EPCAM: variants seen among roughly 807,000 people sequenced by gnomAD.
The protein encoded by EPCAM is adenocarcinoma-associated antigen.
A neutral mutation model predicts 40.0 loss-of-function variants in EPCAM; 39 were observed. That is an observed-to-expected ratio of 0.98 (90% CI 0.76 to 1.27). EPCAM has a LOEUF of 1.27. Ranked by LOEUF, EPCAM falls within the 50% of genes most tolerant of loss-of-function variation. EPCAM has a pLI of 0.00. For synonymous variants in EPCAM, 168 were observed against 132.3 expected, an observed-to-expected ratio of 1.27 and a Z score of -1.85; for missense variants, 503 against 381.2, an observed-to-expected ratio of 1.32 and a Z score of -2.66.
At chr2:47,372,994 C>G (rs1411409829) in intron 1 of EPCAM, among the ~76,000 whole-genome samples, 3 of 151,668 alleles carry the variant, frequency 2.0e-5, no homozygotes, top group Non-Finnish European at 4.4e-5. Flanking sequence ...TTGCTTGAGG[C>G]CAGGAGTTCA....
intron 2 of EPCAM, 83 bp downstream of exon 2, chr2:47,373,653 T>G: frequency 1.4e-6 from 2 of 1,440,586 alleles, no homozygotes; most frequent in Non-Finnish European, 1.9e-6. Context: ...TGGAAAGAGT[T>G]TTATTGGCTT....
At position 47,386,794 on chromosome 2, in the gene EPCAM, G is replaced by C. The variant is rs1671753306; in HGVS notation, c.*181G>C. 2.0e-6 allele frequency: 1 copy of C among 494,010 alleles called. No homozygotes were observed. Among genetic ancestry groups the C allele is most frequent in the African/African-American group, 1.9e-5 (1 of 52,194 alleles). 30.6% of individuals were successfully genotyped at this position (494,010 alleles called of 1,614,324 possible). On this transcript the variant is annotated 3_prime_UTR_variant, in exon 9 of 9. Transcript: ENST00000263735. ...GCTTGAAACTGGCTTTACCAATCTTGAAATTTGACCACAAGTGTCTTATAT... is the reference window on the plus strand; with the variant it reads ...GCTTGAAACTGGCTTTACCAATCTTCAAATTTGACCACAAGTGTCTTATAT...
chr2:47,385,257 A>C, intron 8 of EPCAM, 47 bp downstream of exon 8: 1 of 1,402,558 alleles, frequency 7.1e-7, no homozygotes, highest in Non-Finnish European at 1.0e-6. Context: ...TGAATCTCTT[A>C]CTCCTAATCA....
intron 3 of EPCAM, 123 bp downstream of exon 3, chr2:47,374,171 A>C: frequency 8.3e-7 from 1 of 1,204,704 alleles, no homozygotes; most frequent in Non-Finnish European, 1.2e-6. Context: ...GTCCAGTGAA[A>C]AGCTTCCTTC....
At chr2:47,384,178 A>G (rs1157377165) in intron 7 of EPCAM, among the ~76,000 whole-genome samples, 1 of 149,784 alleles carries the variant, frequency 6.7e-6, no homozygotes, top group African/African-American at 2.5e-5. Flanking sequence ...ATCTTGGCTC[A>G]CTGCAACCTC....
chr2:47,371,507 C>G (rs1398572713), intron 1 of EPCAM, among the ~76,000 whole-genome samples: 21 of 152,194 alleles, frequency 1.4e-4, no homozygotes, highest in Admixed American at 1.4e-3. Flanking sequence ...ACACTTTCAC[C>G]AATGGAGTGG....
intron 4 of EPCAM, among the ~76,000 whole-genome samples, chr2:47,376,254 C>CTTTTT (rs57201109): frequency 7.8e-6 from 1 of 128,344 alleles, no homozygotes; most frequent in Non-Finnish European, 1.6e-5. Context: ...ATATTTCCTC[C>CTTTTT]TTTTTTTTTT....
At position 47,369,405 on chromosome 2, in the gene EPCAM, C is replaced by A; in HGVS notation, c.-101C>A. 1 of 1,228,702 alleles carries A rather than the reference C, an allele frequency of 8.1e-7. No homozygotes were observed. The highest frequency in any genetic ancestry group is 1.1e-6 in the Non-Finnish European group (1 of 944,540). 76.1% of individuals were successfully genotyped at this position (1,228,702 alleles called of 1,614,324 possible). A position where few individuals can be genotyped will look rare whatever the true frequency, so the allele number is the denominator to read the frequency against. On this transcript the variant is annotated 5_prime_UTR_variant, in exon 1 of 9. Transcript: ENST00000263735. ...CCGACGCGGACCCGCGTGCCCCAGGCCTCGCGCTGCCCGGCCGGCTCCTCG... is the reference window on the plus strand; with the variant it reads ...CCGACGCGGACCCGCGTGCCCCAGGACTCGCGCTGCCCGGCCGGCTCCTCG...
chr2:47,386,696 T>C lies in EPCAM; in HGVS notation c.*83T>C. ...TGTGTGTGCGTGGGACGAAGACATCTTTGAAGGTCATGAGTTTGTTAGTTT... is the reference window on the plus strand; with the variant it reads ...TGTGTGTGCGTGGGACGAAGACATCCTTGAAGGTCATGAGTTTGTTAGTTT... On this transcript the variant is annotated 3_prime_UTR_variant, in exon 9 of 9. Coordinates refer to ENST00000263735, the MANE Select transcript of EPCAM (RefSeq NM_002354.3). 3.8e-6 allele frequency: 4 copies of C among 1,058,340 alleles called. No homozygotes were observed. Among genetic ancestry groups the C allele is most frequent in the Non-Finnish European group, 4.4e-6 (3 of 679,384 alleles). The allele number at this position is 1,058,340 out of a possible 1,614,324, so 65.6% of individuals were successfully genotyped here.
chr2:47,386,862 A>T lies in EPCAM; in HGVS notation c.*249A>T. 1 of 366,100 alleles carries T rather than the reference A, an allele frequency of 2.7e-6. No homozygotes were observed. Among genetic ancestry groups the T allele is most frequent in the Non-Finnish European group, 4.9e-6 (1 of 202,132 alleles). 22.7% of individuals were successfully genotyped at this position (366,100 alleles called of 1,614,324 possible). A position where few individuals can be genotyped will look rare whatever the true frequency, so the allele number is the denominator to read the frequency against. On this transcript the variant is annotated 3_prime_UTR_variant, in exon 9 of 9. Transcript: ENST00000263735. ...AATCCAGAACTTGGACTCCATCGTT[A>T]AAATTATTTATGTGTAACATTCAAA...
In EPCAM at chr2:47,386,726, T is replaced by A. The variant is rs1671751502; in HGVS notation, c.*113T>A. 3.5e-6 allele frequency: 3 copies of A among 847,046 alleles called. No individual in the cohort carries two copies. Among genetic ancestry groups the A allele is most frequent in the Non-Finnish European group, 4.0e-6 (2 of 505,292 alleles). The allele number at this position is 847,046 out of a possible 1,614,324, so 52.5% of individuals were successfully genotyped here. On this transcript the variant is annotated 3_prime_UTR_variant, in exon 9 of 9. Coordinates refer to ENST00000263735, the MANE Select transcript of EPCAM (RefSeq NM_002354.3). Reference sequence around the variant, plus strand: ...AGGTCATGAGTTTGTTAGTTTAACATCATATATTTGTAATAGTGAAACCTG... The same window carrying A: ...AGGTCATGAGTTTGTTAGTTTAACAACATATATTTGTAATAGTGAAACCTG...
In EPCAM at chr2:47,383,560, C is replaced by G. The variant is rs12996433; in HGVS notation, c.859-1606C>G. 7 of 145,128 alleles carry G rather than the reference C, an allele frequency of 4.8e-5. No homozygotes were observed. In the East Asian group the frequency reaches 1.4e-3, roughly 29 times the overall value. 9.0% of individuals were successfully genotyped at this position (145,128 alleles called of 1,614,324 possible). A position where few individuals can be genotyped will look rare whatever the true frequency, so the allele number is the denominator to read the frequency against. On this transcript the variant is annotated intron_variant, in intron 7 of 8. Transcript: ENST00000263735. Reference sequence around the variant, plus strand: ...CCTCGTGATCCGCCTGCCTCGGCCTCTCAAAGTGCTAGGATTACAGGCATG... The same window carrying G: ...CCTCGTGATCCGCCTGCCTCGGCCTGTCAAAGTGCTAGGATTACAGGCATG...
chr2:47,371,750 C>T (rs547436735), intron 1 of EPCAM, among the ~76,000 whole-genome samples: 5 of 152,108 alleles, frequency 3.3e-5, no homozygotes, highest in Admixed American at 6.6e-5. Context: ...AAGATTTAAA[C>T]GCTTGAGAAC....
intron 5 of EPCAM, among the ~76,000 whole-genome samples, 155 bp from the exon 6 acceptor site, chr2:47,378,798 G>A (rs538516216): frequency 6.6e-6 from 1 of 152,192 alleles, no homozygotes; most frequent in South Asian, 2.1e-4. Context: ...TTCTTGATTA[G>A]TGATAAACTT....
intron 1 of EPCAM, among the ~76,000 whole-genome samples, chr2:47,372,745 C>T (rs1301910722): frequency 6.6e-6 from 1 of 151,474 alleles, no homozygotes; most frequent in East Asian, 1.9e-4. Context: ...GCAATCCAGC[C>T]TGCACGACAG....
chr2:47,384,000 G>T (rs1052929118), intron 7 of EPCAM, among the ~76,000 whole-genome samples: 1 of 151,458 alleles, frequency 6.6e-6, no homozygotes, highest in Admixed American at 6.6e-5. Flanking sequence ...TTTCTTTTCT[G>T]TTGTCCCATT....
chr2:47,374,416 G>A (rs1671368728), intron 3 of EPCAM, among the ~76,000 whole-genome samples: 1 of 151,990 alleles, frequency 6.6e-6, no homozygotes, highest in African/African-American at 2.4e-5. Flanking sequence ...TTTGCTTATT[G>A]ATTGTGTTTT....
At chr2:47,381,764 A>G (rs961838524) in intron 7 of EPCAM, among the ~76,000 whole-genome samples, 9 of 152,288 alleles carry the variant, frequency 5.9e-5, no homozygotes, top group Admixed American at 5.2e-4. Flanking sequence ...GAAAAGATAC[A>G]TATATGTGTA....
chr2:47,381,987 T>G (rs60512750), intron 7 of EPCAM, among the ~76,000 whole-genome samples: 3,279 of 152,248 alleles, frequency 0.022, 138 homozygotes, highest in African/African-American at 0.076. Flanking sequence ...AGGCTGGGCT[T>G]GAACTCCTAG....
Sources: allele counts gnomAD v4.1 joint callset (sites outside exome capture counted in the v4.1 genomes callset), GRCh38; gene constraint gnomAD v4.1.1; transcripts MANE v1.5; gene names NCBI Gene and HGNC (gene_info 2026-07-23, HGNC 2026-07-21).